Variants in STK38L observed in about 807,000 individuals in gnomAD.
STK38L encodes the protein serine/threonine kinase 38 like.
STK38L carries 28 observed loss-of-function variants against 59.7 expected under a neutral mutation model. The observed-to-expected ratio is 0.47, with a 90% CI of 0.35 to 0.64. STK38L has a LOEUF of 0.64. Among genes scored for constraint, STK38L ranks in the 30% least tolerant of loss-of-function variants. STK38L has a pLI of 0.01. For synonymous variants in STK38L, 162 were observed against 176.8 expected (o/e 0.92, Z 0.66); for missense variants, 314 against 555.8 (o/e 0.56, Z 4.37).
chr12:27,260,854 A>G (rs558068454), intron 1 of STK38L, among the ~76,000 whole-genome samples: 2 of 152,344 alleles, frequency 1.3e-5, no homozygotes, highest in South Asian at 4.1e-4. Flanking sequence ...AGTATCTGGC[A>G]CATAGTGGAT....
At chr12:27,274,233 C>CCA (rs71437332) in intron 1 of STK38L, among the ~76,000 whole-genome samples, 1 of 143,238 alleles carries the variant, frequency 7.0e-6, no homozygotes, top group Non-Finnish European at 1.5e-5. Context: ...AAGACTCTGT[C>CCA]AAAAAAAAAA....
At chr12:27,292,977 G>A (rs181970934) in intron 1 of STK38L, among the ~76,000 whole-genome samples, 1 of 152,118 alleles carries the variant, frequency 6.6e-6, no homozygotes, top group African/African-American at 2.4e-5. Flanking sequence ...ATCTCACTCT[G>A]TTACCCAGGC....
intron 1 of STK38L, among the ~76,000 whole-genome samples, chr12:27,245,132 G>T (rs1942821745): frequency 6.6e-6 from 1 of 152,178 alleles, no homozygotes; most frequent in African/African-American, 2.4e-5. Context: ...TAGCTTTTCG[G>T]GTTCTAAGTT....
At chr12:27,245,694 G>T (rs1009622453) in intron 1 of STK38L, 10 of 152,006 alleles carry the variant, frequency 6.6e-5, no homozygotes, top group African/African-American at 2.2e-4. Context: ...ACTATTTGAG[G>T]AGAGAGAAGT....
At chr12:27,247,069 G>T (rs958051368) in intron 1 of STK38L, among the ~76,000 whole-genome samples, 1 of 152,186 alleles carries the variant, frequency 6.6e-6, no homozygotes, top group Admixed American at 6.5e-5. Context: ...AGGAAAAGGC[G>T]TTTCTGTGGA....
chr12:27,269,997 G>A (rs1943388958), intron 1 of STK38L, among the ~76,000 whole-genome samples: 1 of 151,976 alleles, frequency 6.6e-6, no homozygotes, highest in Non-Finnish European at 1.5e-5. Context: ...TGAACCCCAG[G>A]AAAAAATTAA....
intron 1 of STK38L, among the ~76,000 whole-genome samples, chr12:27,266,880 A>G (rs540943891): frequency 6.6e-6 from 1 of 152,322 alleles, no homozygotes; most frequent in Non-Finnish European, 1.5e-5. Context: ...TCCTTCCTTC[A>G]TAGGTTCAGT....
intron 2 of STK38L, among the ~76,000 whole-genome samples, chr12:27,299,405 A>G (rs1944107650): frequency 6.6e-6 from 1 of 152,344 alleles, no homozygotes; most frequent in African/African-American, 2.4e-5. Context: ...AGGAATGAAA[A>G]TAGAGCAGAG....
chr12:27,290,667 G>A (rs1008629147), intron 1 of STK38L, among the ~76,000 whole-genome samples: 2 of 152,136 alleles, frequency 1.3e-5, no homozygotes, highest in African/African-American at 2.4e-5. Flanking sequence ...AAGGAAGCAG[G>A]TGGGTAATAA....
At chr12:27,264,386 AAG>A (rs2136612362) in intron 1 of STK38L, among the ~76,000 whole-genome samples, 1 of 152,302 alleles carries the variant, frequency 6.6e-6, no homozygotes, top group East Asian at 1.9e-4. Flanking sequence ...GAGATTTTGA[AAG>A]AGGTTTTAAA....
intron 1 of STK38L, among the ~76,000 whole-genome samples, chr12:27,287,080 A>C (rs1943789063): frequency 6.6e-6 from 1 of 151,940 alleles, no homozygotes. Context: ...CATGTATTTT[A>C]AATATATGCT....
At chr12:27,297,544 TTTTC>T (rs1184008102) in intron 1 of STK38L, among the ~76,000 whole-genome samples, 162 bp from the exon 2 acceptor site, 4 of 152,242 alleles carry the variant, frequency 2.6e-5, no homozygotes, top group Non-Finnish European at 5.9e-5. Flanking sequence ...GAAATAGTGC[TTTTC>T]TTTCTTCCCT....
At chr12:27,294,957 C>A (rs1943981509) in intron 1 of STK38L, among the ~76,000 whole-genome samples, 1 of 152,004 alleles carries the variant, frequency 6.6e-6, no homozygotes, top group African/African-American at 2.4e-5. Context: ...ATCTTGGCCT[C>A]ACAAAGTGCC....
At chr12:27,270,348 C>G (rs895450894) in intron 1 of STK38L, among the ~76,000 whole-genome samples, 2 of 151,686 alleles carry the variant, frequency 1.3e-5, no homozygotes, top group Admixed American at 6.6e-5. Context: ...GCTGGGTCTA[C>G]CAGTGTGCCA....
Position 27,325,008 on chromosome 12 carries a change from T to G in STK38L, c.*2553T>G, listed in dbSNP as rs1944808558. The G allele has an allele frequency of 6.6e-6, 1 of 152,148 alleles. No individual in the cohort carries two copies. Among genetic ancestry groups the G allele is most frequent in the Non-Finnish European group, 1.5e-5 (1 of 67,954 alleles). The allele number at this position is 152,148 out of a possible 1,614,324, so 9.4% of individuals were successfully genotyped here. A position where few individuals can be genotyped will look rare whatever the true frequency, so the allele number is the denominator to read the frequency against. ...TGTGTTTTTGGTTTTTCTAAGTATATAGAAAGCTTGTATAATTCAGATTTA... is the reference window on the plus strand; with the variant it reads ...TGTGTTTTTGGTTTTTCTAAGTATAGAGAAAGCTTGTATAATTCAGATTTA... On this transcript the variant is annotated 3_prime_UTR_variant, in exon 14 of 14. Coordinates refer to ENST00000389032, the MANE Select transcript of STK38L (RefSeq NM_015000.4).
intron 3 of STK38L, among the ~76,000 whole-genome samples, chr12:27,307,557 T>C (rs1469327033): frequency 6.6e-6 from 1 of 152,218 alleles, no homozygotes; most frequent in Non-Finnish European, 1.5e-5. Flanking sequence ...ATTTTTTCAC[T>C]GATATTGTTT....
chr12:27,289,879 C>T (rs1461887820), intron 1 of STK38L, among the ~76,000 whole-genome samples: 2 of 152,066 alleles, frequency 1.3e-5, no homozygotes, highest in Non-Finnish European at 2.9e-5. Context: ...TTTCTTTTTG[C>T]TACATTTCTC....
chr12:27,248,578 C>G (rs1259150082), intron 1 of STK38L, among the ~76,000 whole-genome samples: 2 of 152,204 alleles, frequency 1.3e-5, no homozygotes, highest in Non-Finnish European at 2.9e-5. Flanking sequence ...TCCTAACTGT[C>G]CAGCAGGATC....
chr12:27,244,401 G>A (rs750647757), intron 1 of STK38L, 69 bp downstream of exon 1: 1 of 152,368 alleles, frequency 6.6e-6, no homozygotes, highest in Non-Finnish European at 1.5e-5. Context: ...TCTGCGAGCA[G>A]GAGCAGGAGG....
Sources: gnomAD v4.1 joint callset for allele counts (sites outside exome capture counted in the v4.1 genomes callset) on GRCh38, gnomAD v4.1.1 for gene constraint, MANE v1.5 for transcripts, NCBI Gene and HGNC (gene_info 2026-07-23, HGNC 2026-07-21) for gene names.